Variants in AKAP13 observed in about 807,000 individuals in gnomAD.
AKAP13 encodes A-kinase anchoring protein 13.
AKAP13 carries 80 observed loss-of-function variants against 264.5 expected under a neutral mutation model. The ratio of observed to expected loss-of-function variants is 0.30; its 90% CI spans 0.25 to 0.36. The LOEUF (loss-of-function observed/expected upper bound fraction) is 0.36. Ranked by LOEUF, AKAP13 falls within the 10% of genes least tolerant of loss-of-function variation. The pLI is 1.00. For missense variants in AKAP13, 3,712 were observed against 3,435.2 expected, an observed-to-expected ratio of 1.08 and a Z score of -2.01; for synonymous variants, 1,380 against 1,250.2, an observed-to-expected ratio of 1.10 and a Z score of -2.19.
Position 85,723,199 on chromosome 15 carries a change from A to G in AKAP13, c.6624A>G (p.Thr2208=), listed in dbSNP as rs886996339. ...GTCTCAATGAGATTTATACAAAGAC[A>G]GATAGCAAGTCAATCATGAGGATGA... ...KVRLNEIYTK[T]DSKSIMRMKS... is the part of the protein sequence containing the mutation. Residue 2208 remains threonine, a synonymous_variant, in exon 26 of 37, where the codon ACA becomes ACG. Coordinates refer to ENST00000394518, the MANE Select transcript of AKAP13 (RefSeq NM_007200.5). 2 of 1,614,212 alleles carry G rather than the reference A, an allele frequency of 1.2e-6. No homozygotes were observed. Among genetic ancestry groups the G allele is most frequent in the Non-Finnish European group, 1.7e-6 (2 of 1,180,026 alleles).
At chr15:85,451,863 T>C (rs1169810174) in intron 1 of AKAP13, among the ~76,000 whole-genome samples, 1 of 152,218 alleles carries the variant, frequency 6.6e-6, no homozygotes, top group Non-Finnish European at 1.5e-5. Context: ...TCTTCATGTG[T>C]AGAATATTGC....
intron 1 of AKAP13, among the ~76,000 whole-genome samples, chr15:85,462,165 C>A (rs907312210): frequency 2.6e-5 from 4 of 152,178 alleles, no homozygotes; most frequent in Non-Finnish European, 5.9e-5. Context: ...GGCTTCTCAC[C>A]TGATAGCAGG....
intron 10 of AKAP13, 98 bp from the exon 11 acceptor site, chr15:85,655,319 T>C: frequency 6.9e-7 from 1 of 1,456,810 alleles, no homozygotes; most frequent in Non-Finnish European, 9.2e-7. Flanking sequence ...CTTACCTGCC[T>C]GGAATCCACT....
At chr15:85,564,306 C>T (rs2078527501) in intron 5 of AKAP13, among the ~76,000 whole-genome samples, 1 of 152,148 alleles carries the variant, frequency 6.6e-6, no homozygotes, top group South Asian at 2.1e-4. Context: ...CATCCAAATT[C>T]TCCGATTCTT....
chr15:85,689,286 G>A (rs965453609), intron 16 of AKAP13, among the ~76,000 whole-genome samples: 1 of 152,174 alleles, frequency 6.6e-6, no homozygotes, highest in African/African-American at 2.4e-5. Context: ...GCCTCCTAGA[G>A]TAGTGTTTAC....
intron 12 of AKAP13, among the ~76,000 whole-genome samples, chr15:85,662,643 C>T (rs528627861): frequency 2.0e-5 from 3 of 152,276 alleles, no homozygotes; most frequent in South Asian, 4.1e-4. Context: ...GCCTAAGAGT[C>T]GGGTGATGCA....
At chr15:85,404,298 A>G (rs1042822567) in intron 1 of AKAP13, among the ~76,000 whole-genome samples, 1 of 152,202 alleles carries the variant, frequency 6.6e-6, no homozygotes, top group Admixed American at 6.5e-5. Flanking sequence ...TGGTCGTATC[A>G]CTGCCCCATT....
intron 1 of AKAP13, among the ~76,000 whole-genome samples, chr15:85,434,715 A>C (rs1357319904): frequency 2.0e-5 from 3 of 152,160 alleles, no homozygotes; most frequent in African/African-American, 7.2e-5. Context: ...GGGCACACTG[A>C]CACCTCACAC....
chr15:85,577,954 C>T, intron 6 of AKAP13: 1 of 425,936 alleles, frequency 2.3e-6, no homozygotes. Flanking sequence ...ATATATGAGG[C>T]AGGGTGTAAG....
Position 85,533,765 on chromosome 15 carries a change from G to T in AKAP13, c.363G>T (p.Gln121His). 3 of 1,614,110 alleles carry T rather than the reference G, an allele frequency of 1.9e-6. No individual in the cohort carries two copies. The highest frequency in any genetic ancestry group is 1.1e-5 in the South Asian group (1 of 91,064). The change falls in exon 4 of 37, where the codon CAG becomes CAT. Residue 121 changes from glutamine to histidine, a missense_variant. Coordinates refer to ENST00000394518, the MANE Select transcript of AKAP13 (RefSeq NM_007200.5). Reference sequence around the variant, plus strand: ...TGAACTTTACCCGTTTTCTTGACCAGTCAGGACCCCCATCTGGGGATGTGA... The same window carrying T: ...TGAACTTTACCCGTTTTCTTGACCATTCAGGACCCCCATCTGGGGATGTGA... The part of the protein sequence containing the change: ...QALNFTRFLD[Q>H]SGPPSGDVNS...
At chr15:85,726,719 G>A (rs1291904980) in intron 27 of AKAP13, among the ~76,000 whole-genome samples, 1 of 152,078 alleles carries the variant, frequency 6.6e-6, no homozygotes, top group Non-Finnish European at 1.5e-5. Flanking sequence ...CTGACTATTT[G>A]ATCTATGAAG....
At chr15:85,486,567 G>A (rs2075553744) in intron 2 of AKAP13, among the ~76,000 whole-genome samples, 2 of 151,834 alleles carry the variant, frequency 1.3e-5, no homozygotes, top group African/African-American at 4.8e-5. Context: ...GAAGTGTGAG[G>A]AATTTTTTCT....
chr15:85,531,668 G>A (rs2077246051), intron 3 of AKAP13, among the ~76,000 whole-genome samples: 2 of 152,138 alleles, frequency 1.3e-5, no homozygotes, highest in African/African-American at 2.4e-5. Context: ...AAGTGTGCAT[G>A]CATGTGCACG....
intron 1 of AKAP13, 43 bp downstream of exon 1, chr15:85,380,841 G>C (rs1365429074): frequency 1.3e-5 from 2 of 152,320 alleles, no homozygotes; most frequent in Non-Finnish European, 2.9e-5. Flanking sequence ...GAAGTTTTGT[G>C]ATTTGTGGGT....
Position 85,578,917 on chromosome 15 carries a change from C to T in AKAP13, c.862-13C>T. ...CAGGCAGTTTTTTAAAAGTGTATTT[C>T]ATTTCCTCCTAGAAAACAAACCTCA... On this transcript the variant is annotated splice_polypyrimidine_tract_variant and intron_variant, in intron 6 of 36. Coordinates refer to ENST00000394518, the MANE Select transcript of AKAP13 (RefSeq NM_007200.5). The T allele has an allele frequency of 6.3e-7, 1 of 1,599,782 alleles. No homozygotes were observed. The highest frequency in any genetic ancestry group is 8.5e-7 in the Non-Finnish European group (1 of 1,170,276).
At chr15:85,587,679 T>TA (rs1292294301) in intron 8 of AKAP13, among the ~76,000 whole-genome samples, 12 of 152,194 alleles carry the variant, frequency 7.9e-5, no homozygotes, top group African/African-American at 2.9e-4. Context: ...GATGAAGTCT[T>TA]ACTGTCACCC....
intron 4 of AKAP13, 114 bp downstream of exon 4, chr15:85,533,994 T>C: frequency 8.6e-7 from 1 of 1,167,150 alleles, no homozygotes. Flanking sequence ...AGAGGCTGCG[T>C]AAATCTTAGA....
chr15:85,534,032 C>T (rs2077315924), intron 4 of AKAP13, 152 bp downstream of exon 4: 1 of 802,024 alleles, frequency 1.2e-6, no homozygotes, highest in Non-Finnish European at 1.9e-6. Context: ...GCCTCAATGG[C>T]ATCTCTTCTA....
chr15:85,458,650 G>C (rs142683135), intron 1 of AKAP13, among the ~76,000 whole-genome samples: 1 of 151,986 alleles, frequency 6.6e-6, no homozygotes, highest in Non-Finnish European at 1.5e-5. Context: ...TTTCTACTGC[G>C]TTGAAACTTA....
Sources: allele counts gnomAD v4.1 joint callset (sites outside exome capture counted in the v4.1 genomes callset), GRCh38; gene constraint gnomAD v4.1.1; transcripts MANE v1.5; gene names NCBI Gene and HGNC (gene_info 2026-07-23, HGNC 2026-07-21).